NALCN: variants seen among roughly 807,000 people sequenced by gnomAD.
NALCN encodes sodium leak channel, non-selective, also known as sodium leak channel NALCN.
NALCN carries 111 observed loss-of-function variants against 225.3 expected under a neutral mutation model. That is an observed-to-expected ratio of 0.49 (90% CI 0.42 to 0.58). The LOEUF (loss-of-function observed/expected upper bound fraction) is 0.58, where lower values mean the gene tolerates loss of function less well. Ranked by LOEUF, NALCN falls within the 20% of genes least tolerant of loss-of-function variation. The pLI is 0.00. For missense variants in NALCN, 1,378 were observed against 2,202.4 expected, an observed-to-expected ratio of 0.63 and a Z score of 7.49; for synonymous variants, 764 against 769.0, an observed-to-expected ratio of 0.99 and a Z score of 0.11.
At chr13:101,301,082 T>C (rs1566549889) in intron 7 of NALCN, among the ~76,000 whole-genome samples, 3 of 152,246 alleles carry the variant, frequency 2.0e-5, no homozygotes, top group African/African-American at 4.8e-5. Context: ...AGAAAATTTC[T>C]AAAGTTCCAA....
At chr13:101,210,895 T>C (rs901903923) in intron 13 of NALCN, among the ~76,000 whole-genome samples, 2 of 152,198 alleles carry the variant, frequency 1.3e-5, no homozygotes, top group Non-Finnish European at 2.9e-5. Context: ...TGATAGGAAA[T>C]TGTGGGTAGC....
At chr13:101,369,166 A>ATGTGTGTGTGTGTGTGTGTG (rs56739782) in intron 6 of NALCN, among the ~76,000 whole-genome samples, 187 of 146,422 alleles carry the variant, frequency 1.3e-3, no homozygotes, top group Middle Eastern at 6.9e-3. Flanking sequence ...GACAAAATAA[A>ATGTGTGTGTGTGTGTGTGTG]TGTGTGTGTG....
intron 15 of NALCN, among the ~76,000 whole-genome samples, chr13:101,161,612 C>A (rs1056268704): frequency 2.6e-5 from 4 of 152,214 alleles, no homozygotes; most frequent in Non-Finnish European, 4.4e-5. Context: ...TGGCTCATGC[C>A]TGTAATCCCA....
At chr13:101,066,871 C>T (rs1444558300) in intron 39 of NALCN, among the ~76,000 whole-genome samples, 1 of 152,100 alleles carries the variant, frequency 6.6e-6, no homozygotes, top group Non-Finnish European at 1.5e-5. Flanking sequence ...GCCCCAAATA[C>T]CCTGGCAGAA....
intron 10 of NALCN, among the ~76,000 whole-genome samples, chr13:101,262,587 T>C (rs1039528121): frequency 3.9e-5 from 6 of 152,232 alleles, no homozygotes; most frequent in South Asian, 2.1e-4. Flanking sequence ...GACCTGAGAA[T>C]CCTTTAGTCC....
chr13:101,077,326 C>G (rs1191965135), intron 34 of NALCN, among the ~76,000 whole-genome samples: 1 of 152,274 alleles, frequency 6.6e-6, no homozygotes, highest in East Asian at 1.9e-4. Context: ...GTGGAAGCGA[C>G]TTTGGAACTG....
intron 30 of NALCN, among the ~76,000 whole-genome samples, chr13:101,087,607 T>C (rs2033997002): frequency 6.6e-6 from 1 of 152,162 alleles, no homozygotes; most frequent in South Asian, 2.1e-4. Context: ...CAATTTCTCC[T>C]TTCTTTAAGT....
chr13:101,177,579 A>T (rs36091578), intron 14 of NALCN, among the ~76,000 whole-genome samples: 37,332 of 151,248 alleles, frequency 0.25, 5,358 homozygotes, highest in Non-Finnish European at 0.33. Flanking sequence ...CTCAGTTTTT[A>T]AAAAATGTAT....
chr13:101,375,473 CTT>C (rs1167493126), intron 6 of NALCN, among the ~76,000 whole-genome samples: 1 of 152,184 alleles, frequency 6.6e-6, no homozygotes, highest in East Asian at 1.9e-4. Context: ...AGTATATAGA[CTT>C]TATGAAAAAG....
At chr13:101,085,646 AAT>A (rs2033892517) in intron 30 of NALCN, among the ~76,000 whole-genome samples, 1 of 152,190 alleles carries the variant, frequency 6.6e-6, no homozygotes, top group Admixed American at 6.5e-5. Flanking sequence ...CATGAATTGA[AAT>A]ATCACACTGT....
rs182566490 is a variant in NALCN, at chr13:101,237,504, G to A, written c.1434+251C>T. Among the ~76,000 whole-genome samples the A allele has an allele frequency of 7.7e-4, 117 of 151,976 alleles. 1 individual carries two copies. In the East Asian group the frequency reaches 0.022, roughly 29 times the overall value. On this transcript the variant is annotated intron_variant, in intron 12 of 43. Coordinates refer to ENST00000251127, the MANE Select transcript of NALCN (RefSeq NM_052867.4). ...GTGTATCTATATACTGCTAATTTAGGAAAAGTAAGTAAAACATCTACATTG... is the reference window on the plus strand; with the variant it reads ...GTGTATCTATATACTGCTAATTTAGAAAAAGTAAGTAAAACATCTACATTG...
At chr13:101,159,959 T>TTTTATTTTAC (rs2038083858) in intron 15 of NALCN, among the ~76,000 whole-genome samples, 1 of 151,782 alleles carries the variant, frequency 6.6e-6, no homozygotes, top group Non-Finnish European at 1.5e-5. Flanking sequence ...GTTATTTTTA[T>TTTTATTTTAC]TTTATTTTAT....
rs1000436573 is a variant in NALCN, at chr13:101,065,828, C to T, written c.4447-267G>A. Among the ~76,000 whole-genome samples, 3 of 152,078 alleles carry T rather than the reference C, an allele frequency of 2.0e-5. No homozygotes were observed. In the East Asian group the frequency reaches 5.8e-4, roughly 29 times the overall value. Reference sequence around the variant, plus strand: ...AGCATTTGGAGTGAGGCATGGGAAGCTCCCCTTCAGCCCCCCAGGACCCTA... The same window carrying T: ...AGCATTTGGAGTGAGGCATGGGAAGTTCCCCTTCAGCCCCCCAGGACCCTA... On this transcript the variant is annotated intron_variant, in intron 39 of 43. Transcript: ENST00000251127.
intron 3 of NALCN, among the ~76,000 whole-genome samples, chr13:101,387,248 A>C (rs1002550099): frequency 2.7e-4 from 41 of 150,734 alleles, no homozygotes; most frequent in Middle Eastern, 3.4e-3. Context: ...AAAAAAAAAA[A>C]AAAAAACAGG....
intron 41 of NALCN, among the ~76,000 whole-genome samples, chr13:101,061,386 C>CT (rs10637556): frequency 0.44 from 64,657 of 148,406 alleles, 14,194 homozygotes; most frequent in East Asian, 0.57. Context: ...TATCAATAAA[C>CT]TTTTTTTTTT....
intron 6 of NALCN, among the ~76,000 whole-genome samples, chr13:101,374,385 CTT>C (rs1397087973): frequency 6.7e-6 from 1 of 149,438 alleles, no homozygotes; most frequent in Admixed American, 6.8e-5. Context: ...AAGCAATTCT[CTT>C]GTCTCAGCCT....
chr13:101,167,315 T>C (rs760021363), intron 15 of NALCN, among the ~76,000 whole-genome samples: 3 of 152,238 alleles, frequency 2.0e-5, no homozygotes, highest in Non-Finnish European at 2.9e-5. Flanking sequence ...ATGAACATTT[T>C]AACAATATTA....
At position 101,142,873 on chromosome 13, in the gene NALCN, A is replaced by G. The variant is rs543720077; in HGVS notation, c.2118+207T>C. On this transcript the variant is annotated intron_variant, in intron 17 of 43. Transcript: ENST00000251127. ...AAGTCGCATGGCTGCCACGTGGCGCAGCTCAAAAGCTTACACGGGCAAATG... is the reference window on the plus strand; with the variant it reads ...AAGTCGCATGGCTGCCACGTGGCGCGGCTCAAAAGCTTACACGGGCAAATG... 10 of 595,858 alleles carry G rather than the reference A, an allele frequency of 1.7e-5. No individual in the cohort carries two copies. The South Asian group carries it at 2.0e-4, about 12-fold the overall frequency. The allele number at this position is 595,858 out of a possible 1,614,324, so 36.9% of individuals were successfully genotyped here.
intron 11 of NALCN, among the ~76,000 whole-genome samples, chr13:101,241,770 G>T (rs1474668139): frequency 6.6e-6 from 1 of 152,070 alleles, no homozygotes; most frequent in African/African-American, 2.4e-5. Context: ...TCTGCCAGGG[G>T]TCAAGGTCCA....
Sources: gnomAD v4.1 joint callset for allele counts (sites outside exome capture counted in the v4.1 genomes callset) on GRCh38, gnomAD v4.1.1 for gene constraint, MANE v1.5 for transcripts, NCBI Gene and HGNC (gene_info 2026-07-23, HGNC 2026-07-21) for gene names.